Variants in MCPH1 observed in about 807,000 individuals in gnomAD.
MCPH1 encodes microcephalin.
Under a neutral mutation model 84.5 loss-of-function variants are expected in MCPH1, and 104 were observed. The observed-to-expected ratio is 1.23, with a 90% confidence interval of 1.05 to 1.45. The LOEUF (loss-of-function observed/expected upper bound fraction) is 1.45, where lower values mean the gene tolerates loss of function less well. Among genes scored for constraint, MCPH1 ranks in the 40% most tolerant of loss-of-function variants. The pLI is 0.00. For synonymous variants in MCPH1, 514 were observed against 366.8 expected (o/e 1.40, Z -4.58); for missense variants, 1,498 against 1,005.7 (o/e 1.49, Z -6.62).
chr8:6,483,150 T>G (rs1241173838), intron 11 of MCPH1, among the ~76,000 whole-genome samples: 1 of 152,174 alleles, frequency 6.6e-6, no homozygotes, highest in Non-Finnish European at 1.5e-5. Flanking sequence ...TGCTGAAAAC[T>G]ACAAAATACT....
At chr8:6,583,849 C>CT in intron 12 of MCPH1, among the ~76,000 whole-genome samples, 1 of 97,780 alleles carries the variant, frequency 1.0e-5, no homozygotes, top group East Asian at 3.4e-4. Context: ...GTGTTCATTT[C>CT]TTGTTTTGTT....
chr8:6,513,205 A>G (rs1815529102), intron 12 of MCPH1, among the ~76,000 whole-genome samples: 1 of 152,238 alleles, frequency 6.6e-6, no homozygotes, highest in African/African-American at 2.4e-5. Flanking sequence ...TGTTATAACC[A>G]AAGTTAGAAT....
intron 13 of MCPH1, among the ~76,000 whole-genome samples, chr8:6,639,252 A>G (rs1797769786): frequency 6.6e-6 from 1 of 152,214 alleles, no homozygotes; most frequent in African/African-American, 2.4e-5. Context: ...TTCATAGTCA[A>G]AGAACTCAAA....
intron 7 of MCPH1, among the ~76,000 whole-genome samples, chr8:6,442,512 G>A (rs1803666127): frequency 6.6e-6 from 1 of 152,172 alleles, no homozygotes; most frequent in Admixed American, 6.5e-5. Flanking sequence ...ATTAACACAA[G>A]GAACCTGTTA....
intron 12 of MCPH1, among the ~76,000 whole-genome samples, chr8:6,515,192 A>T (rs1053149162): frequency 4.8e-5 from 7 of 145,290 alleles, no homozygotes; most frequent in Admixed American, 4.1e-4. Flanking sequence ...CAGCCTTGAA[A>T]CCTTTCACTA....
chr8:6,545,208 G>A (rs1822353153), intron 12 of MCPH1, among the ~76,000 whole-genome samples: 1 of 152,258 alleles, frequency 6.6e-6, no homozygotes, highest in African/African-American at 2.4e-5. Context: ...CTGAGCAGTG[G>A]CACGAGGGAG....
intron 12 of MCPH1, among the ~76,000 whole-genome samples, chr8:6,611,907 C>T (rs566683964): frequency 2.6e-5 from 4 of 152,310 alleles, no homozygotes; most frequent in South Asian, 2.1e-4. Context: ...CGTGAGCCAC[C>T]GCGCCCGGCC....
chr8:6,470,547 A>C (rs572558364), intron 9 of MCPH1, among the ~76,000 whole-genome samples: 121 of 152,330 alleles, frequency 7.9e-4, no homozygotes, highest in Non-Finnish European at 1.5e-3. Context: ...GGTCTCCCAA[A>C]GTGCTGGGAT....
In MCPH1 at chr8:6,581,824, T is replaced by G. The variant is rs190305018; in HGVS notation, c.2215-39630T>G. Reference sequence around the variant, plus strand: ...TGAGAAGTCCAATATCCAGGCAGATTCCATGTCTGGTGAGGGCCTGTTTCC... The same window carrying G: ...TGAGAAGTCCAATATCCAGGCAGATGCCATGTCTGGTGAGGGCCTGTTTCC... On this transcript the variant is annotated intron_variant, in intron 12 of 13. Transcript: ENST00000344683. 1.1e-4 allele frequency among the ~76,000 whole-genome samples: 16 copies of G among 152,282 alleles called. No homozygotes were observed. The East Asian group carries it at 2.5e-3, about 24-fold the overall frequency.
intron 6 of MCPH1, among the ~76,000 whole-genome samples, chr8:6,440,223 A>G (rs900528615): frequency 1.3e-5 from 2 of 151,920 alleles, no homozygotes; most frequent in Admixed American, 6.6e-5. Flanking sequence ...TTTTTTAACC[A>G]TATGGTTTGG....
chr8:6,513,633 A>C, intron 12 of MCPH1: 1 of 1,570,296 alleles, frequency 6.4e-7, no homozygotes, highest in Admixed American at 1.8e-5. Context: ...GTGCCCGGCC[A>C]CAAATCTTTT....
chr8:6,505,333 A>AT (rs1563306184), intron 12 of MCPH1, among the ~76,000 whole-genome samples: 3 of 55,086 alleles, frequency 5.4e-5, no homozygotes, highest in East Asian at 8.4e-4. Flanking sequence ...ATATACATAT[A>AT]GAAAGAATAT....
chr8:6,499,982 A>G lies in MCPH1; in HGVS notation c.2214+53A>G. On this transcript the variant is annotated intron_variant, in intron 12 of 13. Coordinates refer to ENST00000344683, the MANE Select transcript of MCPH1 (RefSeq NM_024596.5). ...AAATGCAGTTTGCTGTTCTCAAGAA[A>G]TTATTATAAACATAAGGGTGGACTT... 3 of 1,479,002 alleles carry G rather than the reference A, an allele frequency of 2.0e-6. No homozygotes were observed. In the South Asian group the frequency reaches 3.4e-5, roughly 17 times the overall value. 91.6% of individuals were successfully genotyped at this position (1,479,002 alleles called of 1,614,324 possible).
chr8:6,446,584 C>A (rs1804409758), intron 8 of MCPH1: 2 of 980,730 alleles, frequency 2.0e-6, no homozygotes, highest in Non-Finnish European at 2.4e-6. Context: ...GTTCCATTAG[C>A]CTTAGTATGT....
chr8:6,453,931 A>G (rs968649233), intron 8 of MCPH1, among the ~76,000 whole-genome samples: 10 of 152,122 alleles, frequency 6.6e-5, no homozygotes, highest in African/African-American at 2.4e-4. Flanking sequence ...CTGGACCTTA[A>G]AATCTGTCCA....
chr8:6,569,731 C>G (rs1044072441), intron 12 of MCPH1, among the ~76,000 whole-genome samples: 3 of 152,068 alleles, frequency 2.0e-5, no homozygotes, highest in Non-Finnish European at 2.9e-5. Context: ...TAATTTTGCC[C>G]CTCTTTAACA....
At chr8:6,573,171 G>A (rs1353123109) in intron 12 of MCPH1, among the ~76,000 whole-genome samples, 1 of 152,196 alleles carries the variant, frequency 6.6e-6, no homozygotes, top group Admixed American at 6.5e-5. Flanking sequence ...AATTGGGGTT[G>A]TACCCTGGAC....
chr8:6,591,365 T>C (rs1828438048), intron 12 of MCPH1, among the ~76,000 whole-genome samples: 1 of 152,238 alleles, frequency 6.6e-6, no homozygotes, highest in Non-Finnish European at 1.5e-5. Context: ...CTTGATCTCA[T>C]ATGGCATTTG....
At chr8:6,595,890 G>A (rs1391372136) in intron 12 of MCPH1, among the ~76,000 whole-genome samples, 1 of 152,190 alleles carries the variant, frequency 6.6e-6, no homozygotes, top group Non-Finnish European at 1.5e-5. Flanking sequence ...AAGTTAGGGT[G>A]CAACCATTTG....
Sources: allele counts gnomAD v4.1 joint callset (sites outside exome capture counted in the v4.1 genomes callset), GRCh38; gene constraint gnomAD v4.1.1; transcripts MANE v1.5; gene names NCBI Gene and HGNC (gene_info 2026-07-23, HGNC 2026-07-21).